The following DLG2 variants were observed in gnomAD, a reference collection of about 807,000 sequenced individuals.
DLG2 encodes disks large homolog 2.
A neutral mutation model predicts 132.5 loss-of-function variants in DLG2; 45 were observed. The ratio of observed to expected loss-of-function variants is 0.34; its 90% confidence interval spans 0.27 to 0.44. The LOEUF (loss-of-function observed/expected upper bound fraction) is 0.44. DLG2 is among the 20% of genes least tolerant of loss of function. The probability of loss-of-function intolerance (pLI) is 1.00; values close to 1 mark genes in which losing one functional copy is unlikely to be tolerated. For missense variants in DLG2, 1,045 were observed against 1,196.9 expected, an observed-to-expected ratio of 0.87 and a Z score of 1.87; for synonymous variants, 424 against 419.6, an observed-to-expected ratio of 1.01 and a Z score of -0.13.
intron 10 of DLG2, among the ~76,000 whole-genome samples, chr11:84,087,802 C>G (rs2097015492): frequency 6.6e-6 from 1 of 152,210 alleles, no homozygotes. Context: ...CCCATATAGT[C>G]TCTGGGGTTC....
chr11:85,041,304 A>C (rs113473354), intron 6 of DLG2, among the ~76,000 whole-genome samples: 1 of 151,982 alleles, frequency 6.6e-6, no homozygotes, highest in African/African-American at 2.4e-5. Context: ...TGGTGAGAAG[A>C]TACTTATGAA....
At chr11:85,357,739 T>C (rs1304414543) in intron 3 of DLG2, among the ~76,000 whole-genome samples, 2 of 107,590 alleles carry the variant, frequency 1.9e-5, no homozygotes, top group Admixed American at 9.8e-5. Flanking sequence ...TATATATATA[T>C]ATATATATAT....
intron 6 of DLG2, among the ~76,000 whole-genome samples, chr11:85,008,639 T>C (rs1473625436): frequency 6.6e-6 from 1 of 152,100 alleles, no homozygotes; most frequent in Non-Finnish European, 1.5e-5. Context: ...ATGGACACTA[T>C]TAGTTTAACT....
intron 6 of DLG2, among the ~76,000 whole-genome samples, chr11:84,727,475 C>T (rs1043889888): frequency 4.5e-4 from 68 of 152,120 alleles, no homozygotes; most frequent in Non-Finnish European, 1.6e-4. Flanking sequence ...CTTCCAGTAC[C>T]ATGCTGTTTT....
At chr11:85,419,693 C>T (rs2090143397) in intron 3 of DLG2, among the ~76,000 whole-genome samples, 1 of 152,188 alleles carries the variant, frequency 6.6e-6, no homozygotes, top group Admixed American at 6.5e-5. Context: ...TCTTCAATCT[C>T]TGATATCATC....
rs58436058 is a variant in DLG2 at position 84,784,321 on chromosome 11, AAAATAAATAAATAAAT to A, written c.358-249606_358-249591del. Among the ~76,000 whole-genome samples the A allele has an allele frequency of 1.7e-4, 21 of 124,486 alleles. No individual in the cohort carries two copies. The East Asian group carries it at 1.8e-3, about 11-fold the overall frequency. 81.7% of individuals were successfully genotyped at this position (124,486 alleles called of 152,430 possible). A position where few individuals can be genotyped will look rare whatever the true frequency, so the allele number is the denominator to read the frequency against. On this transcript the variant is annotated intron_variant, in intron 6 of 27. Coordinates refer to ENST00000376104, the MANE Select transcript of DLG2 (RefSeq NM_001142699.3). Reference sequence around the variant, plus strand: ...GGCAACAAGAGCGAAACTCCACCTCAAAATAAATAAATAAATAAATAAATAAATAAATAAATAAATA... The same window carrying A: ...GGCAACAAGAGCGAAACTCCACCTCAAAATAAATAAATAAATAAATAAATA...
intron 6 of DLG2, among the ~76,000 whole-genome samples, chr11:85,087,860 A>AAAAAAAG (rs2068181691): frequency 3.4e-5 from 5 of 147,672 alleles, no homozygotes; most frequent in African/African-American, 1.3e-4. Flanking sequence ...AAAAAAAAAA[A>AAAAAAAG]AAAAAAAAAC....
At chr11:85,388,124 G>A (rs1035961875) in intron 3 of DLG2, among the ~76,000 whole-genome samples, 2 of 152,186 alleles carry the variant, frequency 1.3e-5, no homozygotes, top group African/African-American at 4.8e-5. Context: ...CAGTGGGAGT[G>A]AGACTGGTCT....
chr11:83,691,443 C>A (rs931177390), intron 18 of DLG2, among the ~76,000 whole-genome samples: 5 of 152,218 alleles, frequency 3.3e-5, no homozygotes, highest in African/African-American at 4.8e-5. Context: ...CATTCTCCCT[C>A]TTCGAGTCTC....
chr11:83,609,843 A>G (rs1288784543), intron 19 of DLG2, among the ~76,000 whole-genome samples: 1 of 152,174 alleles, frequency 6.6e-6, no homozygotes, highest in Non-Finnish European at 1.5e-5. Context: ...TTATGTCCTC[A>G]TGTAAAATAG....
At chr11:84,876,641 A>C (rs1466238324) in intron 6 of DLG2, among the ~76,000 whole-genome samples, 1 of 151,932 alleles carries the variant, frequency 6.6e-6, no homozygotes, top group African/African-American at 2.4e-5. Context: ...CAGCTCCTGG[A>C]TTCATTGATT....
At chr11:84,951,406 A>G (rs947484843) in intron 6 of DLG2, among the ~76,000 whole-genome samples, 53 of 152,240 alleles carry the variant, frequency 3.5e-4, no homozygotes, top group African/African-American at 1.1e-3. Flanking sequence ...GTGCTTTGTA[A>G]GGAGTAAATT....
chr11:84,124,113 T>C (rs1000744255), intron 9 of DLG2, among the ~76,000 whole-genome samples: 9 of 152,340 alleles, frequency 5.9e-5, no homozygotes, highest in African/African-American at 2.2e-4. Context: ...CCTCAGGTGA[T>C]AGATGGTATT....
chr11:84,782,195 A>T (rs2071930105), intron 6 of DLG2, among the ~76,000 whole-genome samples: 1 of 152,090 alleles, frequency 6.6e-6, no homozygotes, highest in African/African-American at 2.4e-5. Context: ...ACACTCCAAG[A>T]TACTATCCGG....
intron 9 of DLG2, among the ~76,000 whole-genome samples, chr11:84,109,984 G>A (rs149383234): frequency 3.9e-5 from 6 of 152,090 alleles, no homozygotes; most frequent in South Asian, 4.2e-4. Flanking sequence ...AGCTCCTCTC[G>A]ACTTCTGCCA....
chr11:84,178,768 C>A (rs1425205702), intron 8 of DLG2, among the ~76,000 whole-genome samples: 3 of 151,878 alleles, frequency 2.0e-5, no homozygotes, highest in Non-Finnish European at 4.4e-5. Flanking sequence ...ACAGACTCAT[C>A]AGAGACATCA....
At chr11:83,866,028 G>A (rs916592854) in intron 16 of DLG2, among the ~76,000 whole-genome samples, 3 of 151,890 alleles carry the variant, frequency 2.0e-5, no homozygotes, top group Admixed American at 2.0e-4. Flanking sequence ...TGACCACCCC[G>A]ACAAAGTCAG....
At chr11:83,702,635 G>T (rs1167759604) in intron 18 of DLG2, among the ~76,000 whole-genome samples, 1 of 152,194 alleles carries the variant, frequency 6.6e-6, no homozygotes, top group Non-Finnish European at 1.5e-5. Flanking sequence ...TCTGACTGGG[G>T]CTGGGCCCAG....
At chr11:84,031,232 TAAA>T (rs34137957) in intron 11 of DLG2, among the ~76,000 whole-genome samples, 41 of 138,628 alleles carry the variant, frequency 3.0e-4, no homozygotes, top group Non-Finnish European at 3.4e-4. Flanking sequence ...TCCAGAAAGG[TAAA>T]AAAAAAAAAA....
Sources: allele counts gnomAD v4.1 joint callset (sites outside exome capture counted in the v4.1 genomes callset), GRCh38; gene constraint gnomAD v4.1.1; transcripts MANE v1.5; gene names NCBI Gene and HGNC (gene_info 2026-07-23, HGNC 2026-07-21).